Variants in INSR observed in about 807,000 individuals in gnomAD.
The protein encoded by INSR is IR.
In INSR, 67 loss-of-function variants were observed where a neutral mutation model predicts 142.6. The observed-to-expected ratio is 0.47, with a 90% CI of 0.39 to 0.58. INSR has a LOEUF of 0.58. Ranked by LOEUF, INSR falls within the 20% of genes least tolerant of loss-of-function variation. The probability of loss-of-function intolerance (pLI) is 0.00; values close to 1 mark genes in which losing one functional copy is unlikely to be tolerated. For synonymous variants in INSR, 756 were observed against 743.1 expected, an observed-to-expected ratio of 1.02 and a Z score of -0.28; for missense variants, 1,248 against 1,833.2, an observed-to-expected ratio of 0.68 and a Z score of 5.83.
At chr19:7,162,989 G>T in intron 9 of INSR, 43 bp downstream of exon 9, 1 of 1,605,454 alleles carries the variant, frequency 6.2e-7, no homozygotes, top group Non-Finnish European at 8.5e-7. Flanking sequence ...TCAGACACAC[G>T]TGTGCAAACC....
intron 2 of INSR, among the ~76,000 whole-genome samples, chr19:7,185,634 G>A (rs538487381): frequency 6.6e-6 from 1 of 151,976 alleles, no homozygotes; most frequent in South Asian, 2.1e-4. Context: ...CCTGAGGTCA[G>A]GAGTTTGAGA....
chr19:7,201,818 C>G (rs1362366630), intron 2 of INSR, among the ~76,000 whole-genome samples: 1 of 138,032 alleles, frequency 7.2e-6, no homozygotes, highest in Non-Finnish European at 1.6e-5. Context: ...GCGGCCACCA[C>G]GCCTAGCTAA....
chr19:7,118,264 C>G (rs1222396090), intron 21 of INSR, among the ~76,000 whole-genome samples: 1 of 151,754 alleles, frequency 6.6e-6, no homozygotes, highest in Non-Finnish European at 1.5e-5. Context: ...TGTACATATG[C>G]ATATATATTT....
At chr19:7,152,654 C>T in intron 10 of INSR, 72 bp downstream of exon 10, 1 of 1,270,866 alleles carries the variant, frequency 7.9e-7, no homozygotes, top group Non-Finnish European at 1.1e-6. Flanking sequence ...CCTCTCGGTC[C>T]CTAAGTAATG....
intron 13 of INSR, among the ~76,000 whole-genome samples, chr19:7,136,848 T>TATATATATATATATATA (rs71177159): frequency 9.8e-5 from 14 of 143,118 alleles, no homozygotes; most frequent in African/African-American, 3.4e-4. Context: ...TATATATATA[T>TATATATATATATATATA]TGAGATGGTG....
intron 2 of INSR, among the ~76,000 whole-genome samples, chr19:7,197,323 A>AGTGT (rs1236772525): frequency 1.3e-5 from 2 of 151,636 alleles, no homozygotes; most frequent in East Asian, 3.9e-4. Context: ...TCGGAGAGAG[A>AGTGT]GTGAGTGAGT....
intron 2 of INSR, among the ~76,000 whole-genome samples, chr19:7,231,288 GTTTTTTGTTTTTTTTT>G (rs1975965574): frequency 1.7e-5 from 1 of 58,838 alleles, no homozygotes; most frequent in South Asian, 6.4e-4. Context: ...TTTTGGTGGT[GTTTTTTGTTTTTTTTT>G]TTTTTTTTTT....
At position 7,125,012 on chromosome 19, in the gene INSR, T is replaced by G. The variant is rs553695284; in HGVS notation, c.3258+271A>C. Among the ~76,000 whole-genome samples, 115 of 152,112 alleles carry G rather than the reference T, an allele frequency of 7.6e-4. No individual in the cohort carries two copies. Among genetic ancestry groups the G allele is most frequent in the African/African-American group, 2.6e-3 (106 of 41,508 alleles). The stretch of plus-strand genomic sequence containing the variant: ...GAAGATTCCAGAAAATGATGGAAGA[T>G]TCCAGAAAGTGATGAAAGATTCTGG... On this transcript the variant is annotated intron_variant, in intron 17 of 21. Transcript: ENST00000302850. This position sits in a 1 kb window ranked among gnomAD's most constrained non-coding sequence, Gnocchi z 4.9.
chr19:7,294,076 C>A lies in INSR; in HGVS notation c.-185G>T. 1 of 471,838 alleles carries A rather than the reference C, an allele frequency of 2.1e-6. No homozygotes were observed. 29.2% of individuals were successfully genotyped at this position (471,838 alleles called of 1,614,324 possible). A position where few individuals can be genotyped will look rare whatever the true frequency, so the allele number is the denominator to read the frequency against. On this transcript the variant is annotated 5_prime_UTR_variant, in exon 1 of 22. Coordinates refer to ENST00000302850, the MANE Select transcript of INSR (RefSeq NM_000208.4). Reference sequence around the variant, plus strand: ...GAGGCAGCCCCGGGAAGGGCGCGCGCGGCTTCGCCAGCTACAAATACTGAG... The same window carrying A: ...GAGGCAGCCCCGGGAAGGGCGCGCGAGGCTTCGCCAGCTACAAATACTGAG...
chr19:7,239,346 A>T (rs1371915638), intron 2 of INSR, among the ~76,000 whole-genome samples: 3 of 146,206 alleles, frequency 2.1e-5, no homozygotes, highest in African/African-American at 7.5e-5. Flanking sequence ...AGGTAGGAAG[A>T]CATGGCTAAG....
At chr19:7,224,956 GA>G (rs2145109929) in intron 2 of INSR, among the ~76,000 whole-genome samples, 1 of 151,708 alleles carries the variant, frequency 6.6e-6, no homozygotes, top group East Asian at 1.9e-4. Flanking sequence ...AAGAAAAGGG[GA>G]TGAGAGAGAG....
chr19:7,268,229 T>G (rs1967801676), intron 1 of INSR, among the ~76,000 whole-genome samples: 1 of 152,110 alleles, frequency 6.6e-6, no homozygotes, highest in African/African-American at 2.4e-5. Flanking sequence ...AAAGGGGAAC[T>G]GTCTCCAGTG....
intron 19 of INSR, among the ~76,000 whole-genome samples, chr19:7,121,624 A>G (rs1972494618): frequency 6.6e-6 from 1 of 151,376 alleles, no homozygotes; most frequent in African/African-American, 2.4e-5. Flanking sequence ...GCACCACCAC[A>G]CCCCACTTTT....
At chr19:7,246,446 GCCATGCTAGA>G (rs1179302632) in intron 2 of INSR, among the ~76,000 whole-genome samples, 1 of 152,146 alleles carries the variant, frequency 6.6e-6, no homozygotes. Flanking sequence ...TGTGAGTGAG[GCCATGCTAGA>G]CCATCCAGCT....
At chr19:7,248,754 ATTTTTTT>A (rs552940485) in intron 2 of INSR, among the ~76,000 whole-genome samples, 2 of 97,290 alleles carry the variant, frequency 2.1e-5, no homozygotes, top group Admixed American at 1.3e-4. Flanking sequence ...GTTGGCCAGA[ATTTTTTT>A]TTTTTTTTTT....
At chr19:7,252,201 G>A (rs759897721) in intron 2 of INSR, among the ~76,000 whole-genome samples, 1 of 152,076 alleles carries the variant, frequency 6.6e-6, no homozygotes, top group Non-Finnish European at 1.5e-5. Flanking sequence ...CTTGAGGTCA[G>A]GAGTTCAAGA....
At chr19:7,264,169 CAAA>C (rs367805026) in intron 2 of INSR, among the ~76,000 whole-genome samples, 85 of 117,508 alleles carry the variant, frequency 7.2e-4, no homozygotes, top group Middle Eastern at 8.5e-3. Context: ...AACTCCATCT[CAAA>C]AAAAAAAAAA....
chr19:7,185,016 T>C (rs754877349), intron 2 of INSR, among the ~76,000 whole-genome samples: 12 of 152,184 alleles, frequency 7.9e-5, no homozygotes, highest in Non-Finnish European at 1.8e-4. Context: ...AGATACACAG[T>C]AGCATTCCTC....
intron 2 of INSR, among the ~76,000 whole-genome samples, chr19:7,265,919 C>A (rs1195513764): frequency 6.6e-6 from 1 of 152,052 alleles, no homozygotes; most frequent in African/African-American, 2.4e-5. Context: ...ACAACAAAAA[C>A]AACAAAATGC....
Sources: gnomAD v4.1 joint callset for allele counts (sites outside exome capture counted in the v4.1 genomes callset) on GRCh38, gnomAD v4.1.1 for gene constraint, Gnocchi (gnomAD v3.1) non-coding constraint, MANE v1.5 for transcripts, NCBI Gene and HGNC (gene_info 2026-07-23, HGNC 2026-07-21) for gene names.